GNL2: variants seen among roughly 807,000 people sequenced by gnomAD.
The protein encoded by GNL2 is nucleolar GTP-binding protein 2.
In GNL2, 51 loss-of-function variants were observed where a neutral mutation model predicts 92.3. The observed-to-expected ratio is 0.55, with a 90% CI of 0.44 to 0.70. The LOEUF (loss-of-function observed/expected upper bound fraction) is 0.70. GNL2 is among the 30% of genes least tolerant of loss of function. The pLI is 0.00. For synonymous variants in GNL2, 283 were observed against 300.6 expected (o/e 0.94, Z 0.61); for missense variants, 844 against 895.6 (o/e 0.94, Z 0.74).
chr1:37,574,146 C>T (rs143524989), intron 12 of GNL2, among the ~76,000 whole-genome samples, 197 bp downstream of exon 12: 1 of 152,172 alleles, frequency 6.6e-6, no homozygotes, highest in Non-Finnish European at 1.5e-5. Context: ...CTACCTCGGC[C>T]TCCCAAAGTG....
At chr1:37,569,565 T>C in intron 12 of GNL2, 1 of 380,248 alleles carries the variant, frequency 2.6e-6, no homozygotes, top group Non-Finnish European at 4.8e-6. Context: ...AACCAACCAA[T>C]GATTTATCAT....
intron 8 of GNL2, among the ~76,000 whole-genome samples, chr1:37,580,874 AT>A (rs1643756078): frequency 6.6e-6 from 1 of 152,234 alleles, no homozygotes; most frequent in African/African-American, 2.4e-5. Context: ...GCTGTGACTA[AT>A]ATTTTACAGT....
At chr1:37,579,439 C>T (rs375534211) in intron 8 of GNL2, among the ~76,000 whole-genome samples, 4 of 151,550 alleles carry the variant, frequency 2.6e-5, no homozygotes, top group Admixed American at 6.6e-5. Flanking sequence ...CCCAGCTACT[C>T]GGGAGGCTGA....
intron 12 of GNL2, chr1:37,570,141 G>A (rs1046645327): frequency 3.9e-5 from 6 of 152,334 alleles, no homozygotes; most frequent in Admixed American, 2.6e-4. Context: ...AATGCAGCAA[G>A]TGTTGGTAGG....
chr1:37,590,420 A>G (rs1643880916), intron 4 of GNL2, among the ~76,000 whole-genome samples: 1 of 152,178 alleles, frequency 6.6e-6, no homozygotes, highest in Admixed American at 6.5e-5. Flanking sequence ...CTATACTTTC[A>G]AGGCAAAGAA....
At chr1:37,576,684 T>C in intron 8 of GNL2, 128 bp from the exon 9 acceptor site, 6 of 801,412 alleles carry the variant, frequency 7.5e-6, no homozygotes, top group Non-Finnish European at 1.2e-5. Flanking sequence ...ATCTGAAGCC[T>C]AGATACACAC....
At chr1:37,577,422 A>T (rs1643696151) in intron 8 of GNL2, among the ~76,000 whole-genome samples, 1 of 152,234 alleles carries the variant, frequency 6.6e-6, no homozygotes, top group Admixed American at 6.5e-5. Context: ...TGGACTGAAC[A>T]TACATGCTAA....
chr1:37,582,796 A>G lies in GNL2; in HGVS notation c.777T>C (p.Leu259=), dbSNP rs548879364. 1.9e-6 allele frequency: 3 copies of G among 1,613,272 alleles called. No homozygotes were observed. The highest frequency in any genetic ancestry group is 2.7e-5 in the African/African-American group (2 of 75,016). ...TACTTACTGTTGCCCAGGTTGGAACAAGGTCACATTTGTTAAGTACAAAAA... is the reference window on the plus strand; with the variant it reads ...TACTTACTGTTGCCCAGGTTGGAACGAGGTCACATTTGTTAAGTACAAAAA... ...HLIFVLNKCD[L]VPTWATKRWV... Residue 259 remains leucine, a synonymous_variant, in exon 7 of 16, where the codon CTT becomes CTC. Transcript: ENST00000373062.
At chr1:37,573,958 G>A (rs983870265) in intron 12 of GNL2, among the ~76,000 whole-genome samples, 1 of 152,074 alleles carries the variant, frequency 6.6e-6, no homozygotes, top group African/African-American at 2.4e-5. Context: ...GCAGTGGCAC[G>A]ATCTCGGCTC....
In GNL2 at chr1:37,587,339, C is replaced by G. The variant is rs1160690636; in HGVS notation, c.541G>C (p.Asp181His). ...TESYDQGKDR[D>H]LVTEDTGVRN... The stretch of plus-strand genomic sequence containing the variant: ...ACACCAGTGTCTTCAGTTACCAAAT[C>G]ACGATCCTTGCCCTGGTCATAGCTC... Residue 181 changes from aspartate (D) to histidine (H), a missense_variant, in exon 5 of 16, where the codon GAT becomes CAT. Asp to His is a moderately conservative substitution (Grantham distance 81). Transcript: ENST00000373062. 1.9e-6 allele frequency: 3 copies of G among 1,603,634 alleles called. No individual in the cohort carries two copies. The highest frequency in any genetic ancestry group is 1.7e-6 in the Non-Finnish European group (2 of 1,174,556).
At chr1:37,586,519 C>T (rs1043947732) in intron 5 of GNL2, among the ~76,000 whole-genome samples, 2 of 152,252 alleles carry the variant, frequency 1.3e-5, no homozygotes, top group East Asian at 3.9e-4. Flanking sequence ...AACACAAAAC[C>T]CTACTGCCTT....
At chr1:37,581,957 C>A (rs1273918147) in intron 8 of GNL2, among the ~76,000 whole-genome samples, 1 of 151,876 alleles carries the variant, frequency 6.6e-6, no homozygotes, top group African/African-American at 2.4e-5. Context: ...GCCACCGCGC[C>A]CGGCCACATC....
chr1:37,586,676 G>A lies in GNL2; in HGVS notation c.569+635C>T, dbSNP rs185072421. 4.6e-5 allele frequency among the ~76,000 whole-genome samples: 7 copies of A among 152,278 alleles called. No individual in the cohort carries two copies. In the East Asian group the frequency reaches 1.2e-3, roughly 25 times the overall value. On this transcript the variant is annotated intron_variant, in intron 5 of 15. Transcript: ENST00000373062. ...CTTAATATCAGCAATGGGATCATGA[G>A]TTATGTTCTTTTTGTTGTATTTTCC...
chr1:37,580,988 C>T (rs578161205), intron 8 of GNL2, among the ~76,000 whole-genome samples: 1 of 152,126 alleles, frequency 6.6e-6, no homozygotes, highest in South Asian at 2.1e-4. Context: ...GCTCTCCTTT[C>T]CAAGTTAAAA....
At chr1:37,579,331 T>C (rs1643727600) in intron 8 of GNL2, among the ~76,000 whole-genome samples, 1 of 151,488 alleles carries the variant, frequency 6.6e-6, no homozygotes. Flanking sequence ...GCGGATCACC[T>C]GAGGTCGGAA....
chr1:37,576,078 A>T, intron 9 of GNL2: 1 of 310,892 alleles, frequency 3.2e-6, no homozygotes, highest in Admixed American at 4.9e-5. Flanking sequence ...TATGACCCCC[A>T]ACTTTCAGAA....
At position 37,575,881 on chromosome 1, in the gene GNL2, G is replaced by A. The variant is rs12755479; in HGVS notation, c.1039-182C>T. Reference sequence around the variant, plus strand: ...GCCGTGCACAAGATACTTCCACTAAGTGTAAACTATAGTTTCCATCAGCTA... The same window carrying A: ...GCCGTGCACAAGATACTTCCACTAAATGTAAACTATAGTTTCCATCAGCTA... On this transcript the variant is annotated intron_variant, in intron 9 of 15. Transcript: ENST00000373062. This position sits in a 1 kb window ranked among gnomAD's most constrained non-coding sequence, Gnocchi z 4.1. Among the ~76,000 whole-genome samples the A allele has an allele frequency of 0.024, 3,624 of 152,306 alleles. 66 individuals are homozygous for A. The highest frequency in any genetic ancestry group is 0.036 in the Non-Finnish European group (2,439 of 68,028).
At chr1:37,595,691 A>G in intron 1 of GNL2, 68 bp downstream of exon 1, 1 of 1,324,276 alleles carries the variant, frequency 7.6e-7, no homozygotes, top group Non-Finnish European at 1.1e-6. Context: ...CTTCCCCTCC[A>G]GTGCTCCTCG....
intron 4 of GNL2, among the ~76,000 whole-genome samples, chr1:37,588,233 T>A (rs1334642433): frequency 2.0e-5 from 3 of 151,536 alleles, no homozygotes; most frequent in Non-Finnish European, 4.4e-5. Flanking sequence ...GATAAAAGAG[T>A]TGGGATCTAT....
Sources: allele counts gnomAD v4.1 joint callset (sites outside exome capture counted in the v4.1 genomes callset), GRCh38; gene constraint gnomAD v4.1.1; non-coding constraint Gnocchi (gnomAD v3.1); transcripts MANE v1.5; gene names NCBI Gene and HGNC (gene_info 2026-07-23, HGNC 2026-07-21).